The following NME9 variants were observed in gnomAD, a reference collection of about 807,000 sequenced individuals.
NME9 encodes the protein thioredoxin domain-containing protein 6.
A neutral mutation model predicts 44.4 loss-of-function variants in NME9; 48 were observed. That is an observed-to-expected ratio of 1.08 (90% confidence interval 0.86 to 1.37). The LOEUF is 1.37. NME9 is among the 40% of genes most tolerant of loss of function. The pLI is 0.00. For synonymous variants in NME9, 139 were observed against 147.1 expected (o/e 0.94, Z 0.40); for missense variants, 325 against 405.2 (o/e 0.80, Z 1.70).
intron 10 of NME9, 52 bp from the exon 11 acceptor site, chr3:138,301,756 C>G (rs2051864632): frequency 1.4e-6 from 2 of 1,380,044 alleles, no homozygotes; most frequent in African/African-American, 1.4e-5. Context: ...CTGTCCCAGA[C>G]CTTCTGTCCC....
chr3:138,301,605 C>G lies in NME9; in HGVS notation c.*35G>C, dbSNP rs2051850720. The G allele has an allele frequency of 1.3e-6, 2 of 1,535,850 alleles. No individual in the cohort carries two copies. The highest frequency in any genetic ancestry group is 3.9e-5 in the Admixed American group (2 of 50,958). On this transcript the variant is annotated 3_prime_UTR_variant, in exon 11 of 11. Coordinates refer to ENST00000333911, the MANE Select transcript of NME9 (RefSeq NM_001349018.2). ...GAGGTCTGTTTTGTGCAGTAGACCCCTGGTCACGTGCTCTGGAAGAGCAGC... is the reference window on the plus strand; with the variant it reads ...GAGGTCTGTTTTGTGCAGTAGACCCGTGGTCACGTGCTCTGGAAGAGCAGC...
Position 138,306,429 on chromosome 3 carries a change from G to A in NME9, c.512C>T (p.Ala171Val), listed in dbSNP as rs760536340. The part of the protein sequence containing the change: ...TLAIIKPDAV[A>V]HGKTDEIIMK... ...GATAATCTCATCAGTCTTTCCATGG[G>A]CCACTGCATCTGGTTTAATGATGGC... The change falls in exon 7 of 11, where the codon GCC (alanine) becomes GTC (valine). Residue 171 changes from alanine to valine, a missense_variant. Coordinates refer to ENST00000333911, the MANE Select transcript of NME9 (RefSeq NM_001349018.2). 6.2e-7 allele frequency: 1 copy of A among 1,613,440 alleles called. No individual in the cohort carries two copies. Among genetic ancestry groups the A allele is most frequent in the South Asian group, 1.1e-5 (1 of 91,044 alleles).
At chr3:138,281,586 G>A (rs770637919) in intron 8 of NME9, among the ~76,000 whole-genome samples, 3 of 152,098 alleles carry the variant, frequency 2.0e-5, no homozygotes, top group African/African-American at 7.2e-5. Flanking sequence ...CCACCGCCCC[G>A]GCCTAATTGA....
chr3:138,320,995 A>G (rs2053431495), intron 2 of NME9, among the ~76,000 whole-genome samples: 2 of 152,156 alleles, frequency 1.3e-5, no homozygotes, highest in Admixed American at 6.5e-5. Flanking sequence ...TTTATGTACT[A>G]CCTATCTGTG....
In NME9 at chr3:138,288,580, T is replaced by C. The variant is rs557309359; in HGVS notation, c.745+14927A>G. On this transcript the variant is annotated intron_variant, in intron 8 of 8. Coordinates refer to the NME9 transcript ENST00000317876. Reference sequence around the variant, plus strand: ...TCTTTAGCCCAACCCTTCTACTCATTAGTGTTAACTTCATGGCCCCTCAAG... The same window carrying C: ...TCTTTAGCCCAACCCTTCTACTCATCAGTGTTAACTTCATGGCCCCTCAAG... Among the ~76,000 whole-genome samples, 96 of 152,222 alleles carry C rather than the reference T, an allele frequency of 6.3e-4. 1 individual carries two copies. The highest frequency in any genetic ancestry group is 2.2e-3 in the African/African-American group (90 of 41,556).
At chr3:138,285,969 G>A (rs527888154) in intron 8 of NME9, among the ~76,000 whole-genome samples, 2 of 152,114 alleles carry the variant, frequency 1.3e-5, no homozygotes, top group Admixed American at 1.3e-4. Flanking sequence ...TTTTGAGACA[G>A]GGTCTCACTC....
intron 6 of NME9, among the ~76,000 whole-genome samples, chr3:138,312,502 G>A (rs1330719551): frequency 6.6e-6 from 1 of 152,182 alleles, no homozygotes; most frequent in African/African-American, 2.4e-5. Flanking sequence ...ATACAATGGT[G>A]AAAAGGACAT....
intron 8 of NME9, among the ~76,000 whole-genome samples, chr3:138,262,772 C>T (rs1338311485): frequency 6.6e-6 from 1 of 152,056 alleles, no homozygotes; most frequent in African/African-American, 2.4e-5. Context: ...GTGAGAGTAA[C>T]GACTCCCATT....
chr3:138,298,828 C>G (rs755939491), downstream of NME9, among the ~76,000 whole-genome samples: 13 of 152,222 alleles, frequency 8.5e-5, no homozygotes, highest in Non-Finnish European at 1.8e-4. Context: ...GTAGGCACAT[C>G]TCCTATCTCA....
rs185420524 is a variant in NME9 at position 138,288,914 on chromosome 3, G to A, written c.745+14593C>T. 3.0e-4 allele frequency: 196 copies of A among 658,854 alleles called. No individual in the cohort carries two copies. In the African/African-American group the frequency reaches 3.3e-3, roughly 11 times the overall value. 40.8% of individuals were successfully genotyped at this position (658,854 alleles called of 1,614,324 possible). On this transcript the variant is annotated intron_variant, in intron 8 of 8. Transcript: ENST00000317876. ...GGTCTCCCAAAGTGCTGGGATTACA[G>A]GCATGAGCCACCTCACCTGGCCCTG...
At chr3:138,293,004 T>C (rs536772563) in intron 8 of NME9, among the ~76,000 whole-genome samples, 26 of 152,252 alleles carry the variant, frequency 1.7e-4, no homozygotes, top group Admixed American at 1.1e-3. Flanking sequence ...TGCTATGTCC[T>C]CCAAAAAGCC....
At chr3:138,263,036 T>C (rs552184151) in intron 8 of NME9, among the ~76,000 whole-genome samples, 44 of 152,278 alleles carry the variant, frequency 2.9e-4, no homozygotes, top group Non-Finnish European at 5.3e-4. Flanking sequence ...TGTTTGTTAA[T>C]ATTTGTGTTG....
At chr3:138,295,971 T>G in intron 8 of NME9, 1 of 1,495,786 alleles carries the variant, frequency 6.7e-7, no homozygotes, top group Non-Finnish European at 9.2e-7. Flanking sequence ...TTTGATTCCT[T>G]CTATTTGCAC....
chr3:138,266,236 C>T lies in NME9; in HGVS notation c.746-3650G>A, dbSNP rs115869985. On this transcript the variant is annotated intron_variant, in intron 8 of 8. Transcript: ENST00000317876. ...CTCATTCTCTGAGATCCTTTTGCTT[C>T]CTGAACCTCATTAAGAGCCCCAAAT... is the stretch of plus-strand genomic sequence containing the variant. Among the ~76,000 whole-genome samples the T allele has an allele frequency of 4.4e-3, 672 of 152,262 alleles. 2 individuals are homozygous for T. Among genetic ancestry groups the T allele is most frequent in the Non-Finnish European group, 6.7e-3 (459 of 68,020 alleles).
exon 9 of NME9, chr3:138,262,532 C>T (rs781425170): frequency 4.3e-6 from 7 of 1,612,444 alleles, no homozygotes; most frequent in South Asian, 1.1e-5. Flanking sequence ...CTTCTGAATC[C>T]TCTCATTTTA....
chr3:138,328,851 T>G (rs2053955190), intron 1 of NME9, among the ~76,000 whole-genome samples: 1 of 152,118 alleles, frequency 6.6e-6, no homozygotes, highest in South Asian at 2.1e-4. Context: ...ATGAGAACAG[T>G]GGTGGGAAAA....
At chr3:138,294,717 G>A (rs2051304447) in intron 8 of NME9, among the ~76,000 whole-genome samples, 1 of 152,076 alleles carries the variant, frequency 6.6e-6, no homozygotes, top group Non-Finnish European at 1.5e-5. Context: ...GCTGAAACCT[G>A]ACTTCCTAAC....
rs766948407 is a variant in NME9 at position 138,319,619 on chromosome 3, C to T, written c.92-38G>A. 2.9e-6 allele frequency: 3 copies of T among 1,021,766 alleles called. No individual in the cohort carries two copies. The East Asian group carries it at 7.1e-5, about 24-fold the overall frequency. 63.3% of individuals were successfully genotyped at this position (1,021,766 alleles called of 1,614,324 possible). A position where few individuals can be genotyped will look rare whatever the true frequency, so the allele number is the denominator to read the frequency against. On this transcript the variant is annotated intron_variant, in intron 2 of 10. Transcript: ENST00000333911. ...AAGAAGCAGGAACATTCAGTAGACG[C>T]CAGTGCCCACCACACCATGCATAAT...
intron 10 of NME9, among the ~76,000 whole-genome samples, chr3:138,302,516 A>G (rs2051918374): frequency 6.6e-6 from 1 of 152,134 alleles, no homozygotes; most frequent in South Asian, 2.1e-4. Context: ...CCCAGAGGAA[A>G]GCTGGCCTGG....
Sources: allele counts gnomAD v4.1 joint callset (sites outside exome capture counted in the v4.1 genomes callset), GRCh38; gene constraint gnomAD v4.1.1; transcripts MANE v1.5; gene names NCBI Gene and HGNC (gene_info 2026-07-23, HGNC 2026-07-21).